The following SLC19A3 variants were observed in gnomAD, a reference collection of about 807,000 sequenced individuals.
SLC19A3 encodes thiamine transporter 2.
SLC19A3 carries 31 observed loss-of-function variants against 40.2 expected under a neutral mutation model. The observed-to-expected ratio is 0.77, with a 90% CI of 0.58 to 1.04. The LOEUF (loss-of-function observed/expected upper bound fraction) is 1.04, where lower values mean the gene tolerates loss of function less well. Ranked by LOEUF, SLC19A3 falls within the 50% of genes least tolerant of loss-of-function variation. The probability of loss-of-function intolerance (pLI) is 0.00; values close to 1 mark genes in which losing one functional copy is unlikely to be tolerated. For synonymous variants in SLC19A3, 212 were observed against 227.5 expected (o/e 0.93, Z 0.61); for missense variants, 592 against 596.7 (o/e 0.99, Z 0.08).
At chr2:227,714,381 A>T (rs920709498) in intron 1 of SLC19A3, 3 of 972,264 alleles carry the variant, frequency 3.1e-6, no homozygotes, top group Non-Finnish European at 3.7e-6. Context: ...GCCACATATA[A>T]CATTTTTCAG....
Position 227,699,291 on chromosome 2 carries a change from A to T in SLC19A3, c.424T>A (p.Tyr142Asn), listed in dbSNP as rs1354992602. 1.2e-6 allele frequency: 2 copies of T among 1,614,036 alleles called. No homozygotes were observed. The highest frequency in any genetic ancestry group is 1.7e-6 in the Non-Finnish European group (2 of 1,180,036). Residue 142 changes from tyrosine to asparagine, a missense_variant, in exon 3 of 6, where the codon TAC becomes AAC. By Grantham distance (143) the Tyr-to-Asn change is moderately radical. Transcript: ENST00000644224. ...GCGGCCAGCGTGACGCTCCTGCAGT[A>T]GCCGCTCACTCTCTGGTAGTGCTCG... ...SPEHYQRVSG[Y>N]CRSVTLAAYT...
At chr2:227,697,231 A>T (rs1284313824) in intron 3 of SLC19A3, among the ~76,000 whole-genome samples, 1 of 152,218 alleles carries the variant, frequency 6.6e-6, no homozygotes, top group Non-Finnish European at 1.5e-5. Flanking sequence ...ATTCTGGCAC[A>T]GTCCTGGTTT....
chr2:227,716,993 CTTTTTTTTTTTTTTTTT>C lies in SLC19A3; in HGVS notation c.-3+933_-3+949del, dbSNP rs61164911. The stretch of plus-strand genomic sequence containing the variant: ...GATAGGAGCAAAACACATGAGAGTG[CTTTTTTTTTTTTTTTTT>C]TTTTTTTTTTGAGGCAGAATCTTGC... On this transcript the variant is annotated intron_variant, in intron 1 of 5. Coordinates refer to ENST00000644224, the MANE Select transcript of SLC19A3 (RefSeq NM_025243.4). 1.5e-4 allele frequency among the ~76,000 whole-genome samples: 10 copies of C among 67,140 alleles called. No homozygotes were observed. The Admixed American group carries it at 2.0e-3, about 14-fold the overall frequency. The allele number at this position is 67,140 out of a possible 152,430, so 44.0% of individuals were successfully genotyped here. A position where few individuals can be genotyped will look rare whatever the true frequency, so the allele number is the denominator to read the frequency against.
chr2:227,698,363 G>A (rs567307716), intron 3 of SLC19A3, among the ~76,000 whole-genome samples: 14 of 151,556 alleles, frequency 9.2e-5, no homozygotes, highest in Admixed American at 7.2e-4. Context: ...GGGTTTCACC[G>A]TGTTAGCCAG....
At position 227,699,247 on chromosome 2, in the gene SLC19A3, C is replaced by T; in HGVS notation, c.468G>A (p.Val156=). ...CCAGGGATACCAAGAGTTGAGCCAG[C>T]ACCGACCCTGCTGTGTAGGCGGCCA... ...VTLAAYTAGS[V]LAQLLVSLAN... is the part of the protein sequence containing the mutation. The change falls in exon 3 of 6, where the codon GTG becomes GTA. Residue 156 remains valine, a synonymous_variant. Transcript: ENST00000644224. The T allele has an allele frequency of 6.2e-7, 1 of 1,614,076 alleles. No individual in the cohort carries two copies. The highest frequency in any genetic ancestry group is 8.5e-7 in the Non-Finnish European group (1 of 1,179,982).
rs1272486273 is a variant in SLC19A3 at position 227,708,607 on chromosome 2, A to AC, written c.-2-6288_-2-6287insG. The stretch of plus-strand genomic sequence containing the variant: ...AAACAAACAAACCAAAAAAACAACA[A>AC]AAAAAACTTTCCAACTGGCTGCAGG... On this transcript the variant is annotated intron_variant, in intron 1 of 5. Transcript: ENST00000644224. 8.3e-4 allele frequency among the ~76,000 whole-genome samples: 126 copies of AC among 151,848 alleles called. 1 individual carries two copies. Among genetic ancestry groups the AC allele is most frequent in the African/African-American group, 2.7e-3 (110 of 41,422 alleles).
At chr2:227,694,956 A>G (rs1405145292) in intron 4 of SLC19A3, among the ~76,000 whole-genome samples, 1 of 152,134 alleles carries the variant, frequency 6.6e-6, no homozygotes, top group Non-Finnish European at 1.5e-5. Flanking sequence ...GCTACTCAGG[A>G]GGCTGAGGTG....
chr2:227,715,819 G>A (rs919708773), intron 1 of SLC19A3, among the ~76,000 whole-genome samples: 11 of 151,992 alleles, frequency 7.2e-5, no homozygotes, highest in Non-Finnish European at 1.5e-4. Flanking sequence ...GCATGGTGGT[G>A]TGTGCCTATA....
rs545620727 is a variant in SLC19A3 at position 227,688,849 on chromosome 2, G to C, written c.1173-542C>G. On this transcript the variant is annotated intron_variant, in intron 4 of 5. Coordinates refer to ENST00000644224, the MANE Select transcript of SLC19A3 (RefSeq NM_025243.4). ...TAGACACAGAATTCAAAATAGCTGT[G>C]TTAAGAAAACGCAAAGAAATTCAAG... Among the ~76,000 whole-genome samples the C allele has an allele frequency of 7.9e-5, 12 of 152,252 alleles. No individual in the cohort carries two copies. The East Asian group carries it at 2.3e-3, about 29-fold the overall frequency.
intron 1 of SLC19A3, among the ~76,000 whole-genome samples, chr2:227,708,757 A>C (rs1324630169): frequency 6.6e-6 from 1 of 152,120 alleles, no homozygotes; most frequent in Admixed American, 6.5e-5. Flanking sequence ...TGTCATCCTA[A>C]TTCTGTAGCA....
At chr2:227,714,459 C>T (rs1227928544) in intron 1 of SLC19A3, 1 of 985,192 alleles carries the variant, frequency 1.0e-6, no homozygotes, top group Admixed American at 6.2e-5. Context: ...CTGTTTTTTT[C>T]TGTGCCCCCA....
At position 227,699,045 on chromosome 2, in the gene SLC19A3, C is replaced by T. The variant is rs756104687; in HGVS notation, c.670G>A (p.Glu224Lys). 5.6e-6 allele frequency: 9 copies of T among 1,614,224 alleles called. No individual in the cohort carries two copies. The highest frequency in any genetic ancestry group is 4.4e-5 in the South Asian group (4 of 91,088). Reference sequence around the variant, plus strand: ...TTCTGCTCTTCACAGCCTGGTGCTTCACCTTCGTGAGTTTCCTCTAATACT... The same window carrying T: ...TTCTGCTCTTCACAGCCTGGTGCTTTACCTTCGTGAGTTTCCTCTAATACT... ...NPVLEETHEG[E>K]APGCEEQKPT... The change falls in exon 3 of 6, where the codon GAA becomes AAA. Residue 224 changes from glutamate (E) to lysine (K), a missense_variant. Glu to Lys is a moderately conservative substitution (Grantham distance 56). Coordinates refer to ENST00000644224, the MANE Select transcript of SLC19A3 (RefSeq NM_025243.4).
chr2:227,708,509 G>C (rs1322690139), intron 1 of SLC19A3, among the ~76,000 whole-genome samples: 2 of 152,140 alleles, frequency 1.3e-5, no homozygotes, highest in African/African-American at 4.8e-5. Flanking sequence ...TGAGGCGGGA[G>C]GATTGCTTGA....
chr2:227,711,870 C>T (rs191349634), intron 1 of SLC19A3, among the ~76,000 whole-genome samples: 258 of 151,440 alleles, frequency 1.7e-3, no homozygotes, highest in African/African-American at 6.1e-3. Context: ...GCCAACATGG[C>T]GAAACCCCGT....
chr2:227,717,824 G>T, intron 1 of SLC19A3, 119 bp downstream of exon 1: 1 of 782,600 alleles, frequency 1.3e-6, no homozygotes, highest in Non-Finnish European at 1.6e-6. Flanking sequence ...TGTAGCCCAG[G>T]CCCGCAGAGC....
At chr2:227,701,136 C>T in intron 2 of SLC19A3, 1 of 1,251,526 alleles carries the variant, frequency 8.0e-7, no homozygotes, top group Non-Finnish European at 1.0e-6. Context: ...AGGGTTGTCC[C>T]TAAGTGATCT....
At chr2:227,694,102 G>A (rs1420643882) in intron 4 of SLC19A3, among the ~76,000 whole-genome samples, 2 of 152,102 alleles carry the variant, frequency 1.3e-5, no homozygotes, top group African/African-American at 4.8e-5. Flanking sequence ...TGCCTCCCAG[G>A]TTCAAGGGAT....
intron 1 of SLC19A3, among the ~76,000 whole-genome samples, chr2:227,709,336 T>C (rs1315969307): frequency 6.6e-6 from 1 of 151,968 alleles, no homozygotes; most frequent in Admixed American, 6.6e-5. Flanking sequence ...AATGCAAAAA[T>C]TAGCCAGGCA....
At chr2:227,709,592 AC>A (rs1449015329) in intron 1 of SLC19A3, among the ~76,000 whole-genome samples, 1 of 151,978 alleles carries the variant, frequency 6.6e-6, no homozygotes, top group Non-Finnish European at 1.5e-5. Context: ...AGATTCCTCC[AC>A]CCATACACAC....
Sources: gnomAD v4.1 joint callset for allele counts (sites outside exome capture counted in the v4.1 genomes callset) on GRCh38, gnomAD v4.1.1 for gene constraint, MANE v1.5 for transcripts, NCBI Gene and HGNC (gene_info 2026-07-23, HGNC 2026-07-21) for gene names.